The following NAV3 variants were observed in gnomAD, a reference collection of about 807,000 sequenced individuals.
NAV3 encodes the protein neuron navigator 3.
In NAV3, 87 loss-of-function variants were observed where a neutral mutation model predicts 244.7. The ratio of observed to expected loss-of-function variants is 0.36; its 90% confidence interval spans 0.30 to 0.42. The LOEUF (loss-of-function observed/expected upper bound fraction) is 0.42. NAV3 is among the 20% of genes least tolerant of loss of function. The pLI is 1.00. For synonymous variants in NAV3, 1,126 were observed against 1,042.2 expected, an observed-to-expected ratio of 1.08 and a Z score of -1.55; for missense variants, 2,663 against 2,893.3, an observed-to-expected ratio of 0.92 and a Z score of 1.83.
chr12:77,976,471 G>A (rs759144162), intron 5 of NAV3, among the ~76,000 whole-genome samples: 5 of 151,820 alleles, frequency 3.3e-5, no homozygotes, highest in Non-Finnish European at 7.4e-5. Flanking sequence ...AGCCTGTAAC[G>A]TAGGAAGAAA....
chr12:77,576,028 C>T (rs535253529), intron 2 of NAV3, among the ~76,000 whole-genome samples: 87 of 152,106 alleles, frequency 5.7e-4, no homozygotes, highest in African/African-American at 1.9e-3. Context: ...TTTCACTTCC[C>T]CAAATCACGT....
rs139805647 is a variant in NAV3 at position 77,721,830 on chromosome 12, A to G, written c.72+149564A>G. Among the ~76,000 whole-genome samples, 213 of 152,228 alleles carry G rather than the reference A, an allele frequency of 1.4e-3. 1 individual carries two copies. The highest frequency in any genetic ancestry group is 0.01 in the Middle Eastern group (3 of 294). ...TTACGTAATTTGTGGGAGGTAAAAT[A>G]CATGTGTCATTATTTGAAATCCCAA... is the stretch of plus-strand genomic sequence containing the variant. On this transcript the variant is annotated intron_variant, in intron 2 of 8. Transcript: ENST00000550042.
intron 1 of NAV3, among the ~76,000 whole-genome samples, chr12:77,908,762 A>G (rs1886269957): frequency 6.6e-6 from 1 of 152,042 alleles, no homozygotes; most frequent in African/African-American, 2.4e-5. Context: ...CCCTTCTAAG[A>G]AATTTTTCTG....
chr12:77,723,111 T>A (rs1022546859), intron 2 of NAV3, among the ~76,000 whole-genome samples: 2 of 152,022 alleles, frequency 1.3e-5, no homozygotes, highest in Non-Finnish European at 2.9e-5. Flanking sequence ...GTTTATAGTG[T>A]CTCTATTCAG....
At chr12:77,695,034 G>A (rs1253698421) in intron 2 of NAV3, among the ~76,000 whole-genome samples, 2 of 152,136 alleles carry the variant, frequency 1.3e-5, no homozygotes, top group African/African-American at 4.8e-5. Context: ...GCCAGAAGCT[G>A]CTCTAAGAAC....
At chr12:77,968,817 G>A (rs1892740990) in intron 5 of NAV3, 115 bp downstream of exon 5, 1 of 996,282 alleles carries the variant, frequency 1.0e-6, no homozygotes, top group Non-Finnish European at 1.5e-6. Context: ...GTATCAGTGT[G>A]ATGGGATTAT....
intron 2 of NAV3, among the ~76,000 whole-genome samples, chr12:77,722,959 A>G (rs960858492): frequency 7.2e-5 from 11 of 152,030 alleles, no homozygotes; most frequent in Admixed American, 2.6e-4. Context: ...ATGTTTACAG[A>G]TTATCATTCT....
At chr12:77,754,758 A>G (rs146708063) in intron 2 of NAV3, among the ~76,000 whole-genome samples, 388 of 152,232 alleles carry the variant, frequency 2.5e-3, no homozygotes, top group African/African-American at 9.1e-3. Flanking sequence ...GTTTATGCGA[A>G]ACTTTGCCTG....
chr12:77,991,379 T>C (rs1035293749), intron 5 of NAV3, among the ~76,000 whole-genome samples: 8 of 152,168 alleles, frequency 5.3e-5, no homozygotes, highest in African/African-American at 2.4e-5. Flanking sequence ...TATGATAGTA[T>C]TGGTACATTT....
At chr12:77,613,106 G>T (rs1401513731) in intron 2 of NAV3, among the ~76,000 whole-genome samples, 1 of 152,066 alleles carries the variant, frequency 6.6e-6, no homozygotes, top group Admixed American at 6.6e-5. Context: ...GTCTTTATTA[G>T]CAGCATGAGA....
chr12:78,117,689 T>A (rs1250752951), intron 13 of NAV3, among the ~76,000 whole-genome samples: 1 of 151,866 alleles, frequency 6.6e-6, no homozygotes, highest in East Asian at 1.9e-4. Flanking sequence ...ATCTCTGAAA[T>A]ATATCACTGG....
chr12:77,991,638 A>G (rs1011486977), intron 5 of NAV3, among the ~76,000 whole-genome samples: 1 of 152,196 alleles, frequency 6.6e-6, no homozygotes, highest in African/African-American at 2.4e-5. Flanking sequence ...TTATAGCATG[A>G]GTAAAGGCAC....
chr12:77,922,454 C>A (rs868476530), intron 1 of NAV3, among the ~76,000 whole-genome samples: 4 of 151,960 alleles, frequency 2.6e-5, no homozygotes, highest in South Asian at 2.1e-4. Context: ...TGGGAAAATC[C>A]CTCGTGGGTG....
At position 77,816,439 on chromosome 12, in the gene NAV3, A is replaced by G. The variant is rs79762286; in HGVS notation, c.73-123880A>G. On this transcript the variant is annotated intron_variant, in intron 2 of 8. Coordinates refer to the NAV3 transcript ENST00000550042. ...GTCAGATAGTCTCTGAGATGAAGTC[A>G]TTTGACTCTCTTTCCTTTGAGTTAA... 2.2e-4 allele frequency among the ~76,000 whole-genome samples: 33 copies of G among 152,342 alleles called. No individual in the cohort carries two copies. The East Asian group carries it at 6.4e-3, about 29-fold the overall frequency.
intron 2 of NAV3, among the ~76,000 whole-genome samples, chr12:77,592,838 T>C (rs552493373): frequency 6.6e-6 from 1 of 152,344 alleles, no homozygotes; most frequent in African/African-American, 2.4e-5. Context: ...CAGTGGCGTA[T>C]TTTTGTTTAG....
intron 1 of NAV3, among the ~76,000 whole-genome samples, chr12:77,895,309 T>TTG (rs71440496): frequency 0.35 from 51,964 of 148,380 alleles, 9,250 homozygotes; most frequent in African/African-American, 0.45. Context: ...TTTAGAATGA[T>TTG]TGTGTGTGTG....
At chr12:78,107,227 A>G (rs1006751921) in intron 12 of NAV3, among the ~76,000 whole-genome samples, 2 of 152,208 alleles carry the variant, frequency 1.3e-5, no homozygotes. Flanking sequence ...AGAATAATCA[A>G]ATCCTTCCTG....
intron 1 of NAV3, among the ~76,000 whole-genome samples, chr12:77,904,415 G>A (rs943229584): frequency 2.0e-5 from 3 of 152,062 alleles, no homozygotes; most frequent in Non-Finnish European, 2.9e-5. Context: ...AACACCGCAT[G>A]TTCTCACTCA....
intron 1 of NAV3, among the ~76,000 whole-genome samples, chr12:77,939,470 C>T (rs979746815): frequency 6.6e-6 from 1 of 152,134 alleles, no homozygotes; most frequent in Non-Finnish European, 1.5e-5. Context: ...TCATAGAGTG[C>T]CTTGTAATAA....
Sources: gnomAD v4.1 joint callset for allele counts (sites outside exome capture counted in the v4.1 genomes callset) on GRCh38, gnomAD v4.1.1 for gene constraint, MANE v1.5 for transcripts, NCBI Gene and HGNC (gene_info 2026-07-23, HGNC 2026-07-21) for gene names.